FOXP2: variants seen among roughly 807,000 people sequenced by gnomAD.
The protein encoded by FOXP2 is forkhead box protein P2.
A neutral mutation model predicts 115.8 loss-of-function variants in FOXP2; 12 were observed. The observed-to-expected ratio is 0.10, with a 90% CI of 0.07 to 0.17. The LOEUF is 0.17. Among genes scored for constraint, FOXP2 ranks in the 10% least tolerant of loss-of-function variants. The pLI is 1.00. For synonymous variants in FOXP2, 328 were observed against 297.7 expected, an observed-to-expected ratio of 1.10 and a Z score of -1.05; for missense variants, 629 against 843.5, an observed-to-expected ratio of 0.75 and a Z score of 3.15.
intron 2 of FOXP2, among the ~76,000 whole-genome samples, chr7:114,441,219 G>A (rs1292981499): frequency 2.0e-5 from 3 of 151,958 alleles, no homozygotes; most frequent in East Asian, 1.9e-4. Flanking sequence ...AGGCTGAGGC[G>A]GGTGGATCAC....
rs1018656357 is a variant in FOXP2 at position 114,631,551 on chromosome 7, A to G, written c.621A>G (p.Gln207=). ...AKEQQQQQQQ[Q]QQLAAQQLVF... is the part of the protein sequence containing the mutation. Reference sequence around the variant, plus strand: ...AGCAGCAGCAGCAGCAGCAGCAGCAACAGCAATTGGCAGCCCAGCAGCTTG... The same window carrying G: ...AGCAGCAGCAGCAGCAGCAGCAGCAGCAGCAATTGGCAGCCCAGCAGCTTG... Residue 207 remains glutamine, a synonymous_variant, in exon 6 of 17, where the codon CAA becomes CAG. Coordinates refer to ENST00000350908, the MANE Select transcript of FOXP2 (RefSeq NM_014491.4). The G allele has an allele frequency of 6.3e-7, 1 of 1,583,034 alleles. No individual in the cohort carries two copies.
intron 1 of FOXP2, among the ~76,000 whole-genome samples, chr7:114,212,699 A>G (rs1418844592): frequency 6.6e-6 from 1 of 152,190 alleles, no homozygotes; most frequent in African/African-American, 2.4e-5. Context: ...GTCTTAAGGC[A>G]ACTTAGAATA....
chr7:114,214,869 C>T (rs1290605151), intron 1 of FOXP2, among the ~76,000 whole-genome samples: 1 of 152,090 alleles, frequency 6.6e-6, no homozygotes, highest in Non-Finnish European at 1.5e-5. Context: ...TGATGATATC[C>T]TAGTAGTGAT....
chr7:114,505,898 A>G (rs533054379), intron 2 of FOXP2, among the ~76,000 whole-genome samples: 1 of 151,828 alleles, frequency 6.6e-6, no homozygotes, highest in South Asian at 2.1e-4. Context: ...AACTCCAGCA[A>G]TCTCATTCTA....
At chr7:114,652,817 T>A (rs1317628887) in intron 9 of FOXP2, among the ~76,000 whole-genome samples, 1 of 152,174 alleles carries the variant, frequency 6.6e-6, no homozygotes, top group Non-Finnish European at 1.5e-5. Context: ...TAAAGGCAGA[T>A]AATTTATATC....
At chr7:114,144,196 G>A (rs942503478) in intron 1 of FOXP2, among the ~76,000 whole-genome samples, 10 of 152,110 alleles carry the variant, frequency 6.6e-5, no homozygotes, top group African/African-American at 2.2e-4. Context: ...TTCAAATTAC[G>A]ATGGCTTTAG....
chr7:114,215,728 G>A (rs1794470482), intron 1 of FOXP2, among the ~76,000 whole-genome samples: 1 of 151,508 alleles, frequency 6.6e-6, no homozygotes, highest in Admixed American at 6.6e-5. Flanking sequence ...AGTAAATACT[G>A]AATCAATGAA....
intron 3 of FOXP2, among the ~76,000 whole-genome samples, chr7:114,608,105 T>A (rs1563030483): frequency 6.6e-6 from 1 of 152,240 alleles, no homozygotes; most frequent in Non-Finnish European, 1.5e-5. Flanking sequence ...GTCTCTGAAC[T>A]AAAAATTTTA....
intron 10 of FOXP2, among the ~76,000 whole-genome samples, chr7:114,657,571 C>A (rs1398607410): frequency 6.6e-6 from 1 of 152,032 alleles, no homozygotes; most frequent in East Asian, 1.9e-4. Flanking sequence ...AGCAAGGAGA[C>A]TAAAGGTCAG....
At chr7:114,498,954 G>C (rs1034806590) in intron 2 of FOXP2, 4 of 717,552 alleles carry the variant, frequency 5.6e-6, no homozygotes, top group Non-Finnish European at 1.0e-5. Context: ...TGACCTAGAA[G>C]AGCGATTCTC....
intron 2 of FOXP2, among the ~76,000 whole-genome samples, chr7:114,457,702 T>C (rs899398216): frequency 2.0e-5 from 3 of 152,084 alleles, no homozygotes; most frequent in East Asian, 1.9e-4. Flanking sequence ...ATCGAGACCA[T>C]CCTGCCTAAC....
intron 2 of FOXP2, among the ~76,000 whole-genome samples, chr7:114,338,434 A>G (rs1791109443): frequency 6.6e-6 from 1 of 151,006 alleles, no homozygotes; most frequent in South Asian, 2.1e-4. Flanking sequence ...ATTAACTAAA[A>G]GCATTTTATT....
chr7:114,286,810 A>C (rs1425786230), intron 1 of FOXP2, among the ~76,000 whole-genome samples: 2 of 152,060 alleles, frequency 1.3e-5, no homozygotes, highest in African/African-American at 4.8e-5. Flanking sequence ...AAAGTACCCA[A>C]GGAAAGGAGT....
chr7:114,196,762 T>A (rs1793922228), intron 1 of FOXP2, among the ~76,000 whole-genome samples: 1 of 152,236 alleles, frequency 6.6e-6, no homozygotes, highest in Non-Finnish European at 1.5e-5. Flanking sequence ...TACTTGTGAT[T>A]CTGATGCTGC....
intron 1 of FOXP2, among the ~76,000 whole-genome samples, chr7:114,279,170 A>G (rs1796267249): frequency 6.6e-6 from 1 of 152,212 alleles, no homozygotes; most frequent in African/African-American, 2.4e-5. Context: ...ATCCTGGATG[A>G]TAATATACTG....
intron 1 of FOXP2, among the ~76,000 whole-genome samples, chr7:114,236,836 G>A (rs1795018546): frequency 6.6e-6 from 1 of 152,036 alleles, no homozygotes; most frequent in African/African-American, 2.4e-5. Flanking sequence ...AACTAGCTGG[G>A]CGTGGTGGTG....
At chr7:114,252,152 T>A (rs942601400) in intron 1 of FOXP2, among the ~76,000 whole-genome samples, 1 of 152,192 alleles carries the variant, frequency 6.6e-6, no homozygotes, top group Non-Finnish European at 1.5e-5. Context: ...CTCTTGATCA[T>A]GGTGGATAAG....
intron 3 of FOXP2, among the ~76,000 whole-genome samples, chr7:114,569,838 T>G (rs1801202563): frequency 6.6e-6 from 1 of 151,892 alleles, no homozygotes; most frequent in Non-Finnish European, 1.5e-5. Flanking sequence ...ATAGATGTAT[T>G]TGAAAAGAAT....
At chr7:114,493,357 T>C (rs550470794) in intron 2 of FOXP2, among the ~76,000 whole-genome samples, 16 of 152,246 alleles carry the variant, frequency 1.1e-4, no homozygotes, top group African/African-American at 3.9e-4. Flanking sequence ...TCTTGACTCT[T>C]TCCAAACCCA....
Sources: gnomAD v4.1 joint callset for allele counts (sites outside exome capture counted in the v4.1 genomes callset) on GRCh38, gnomAD v4.1.1 for gene constraint, MANE v1.5 for transcripts, NCBI Gene and HGNC (gene_info 2026-07-23, HGNC 2026-07-21) for gene names.